NAALADL2: variants seen among roughly 807,000 people sequenced by gnomAD.
The protein encoded by NAALADL2 is N-acetylated alpha-linked acidic dipeptidase like 2.
Under a neutral mutation model 87.2 loss-of-function variants are expected in NAALADL2, and 76 were observed. The observed-to-expected ratio is 0.87, with a 90% CI of 0.72 to 1.05. The LOEUF is 1.05. Among genes scored for constraint, NAALADL2 ranks in the 50% least tolerant of loss-of-function variants. The probability of loss-of-function intolerance (pLI) is 0.00; values close to 1 mark genes in which losing one functional copy is unlikely to be tolerated. For synonymous variants in NAALADL2, 354 were observed against 331.0 expected (o/e 1.07, Z -0.75); for missense variants, 1,089 against 945.8 (o/e 1.15, Z -1.99).
chr3:175,064,247 GAAAA>G (rs368197778), intron 1 of NAALADL2, among the ~76,000 whole-genome samples: 2 of 116,192 alleles, frequency 1.7e-5, no homozygotes, highest in Non-Finnish European at 3.8e-5. Context: ...GGGAAAAGAA[GAAAA>G]AAAAAAAAAG....
intron 9 of NAALADL2, among the ~76,000 whole-genome samples, chr3:175,568,138 A>G (rs1357530531): frequency 6.6e-6 from 1 of 151,276 alleles, no homozygotes; most frequent in Non-Finnish European, 1.5e-5. Flanking sequence ...ACTATTCTGG[A>G]GATATTTTGT....
At chr3:175,345,936 C>T (rs1388328220) in intron 5 of NAALADL2, among the ~76,000 whole-genome samples, 2 of 152,132 alleles carry the variant, frequency 1.3e-5, no homozygotes, top group East Asian at 3.9e-4. Flanking sequence ...GAAAATTTAC[C>T]CTACCCAGAA....
At chr3:174,950,168 C>G (rs867588468) in intron 1 of NAALADL2, among the ~76,000 whole-genome samples, 36 of 152,096 alleles carry the variant, frequency 2.4e-4, no homozygotes, top group African/African-American at 7.7e-4. Flanking sequence ...TACAGAGAAA[C>G]TTTGGTCGCC....
intron 1 of NAALADL2, among the ~76,000 whole-genome samples, chr3:174,503,043 T>A (rs1220344905): frequency 6.7e-6 from 1 of 150,230 alleles, no homozygotes; most frequent in East Asian, 2.0e-4. Context: ...AAAAAAAACC[T>A]CTTATCTTTC....
At chr3:175,609,265 A>G (rs1724242921) in intron 10 of NAALADL2, among the ~76,000 whole-genome samples, 1 of 152,328 alleles carries the variant, frequency 6.6e-6, no homozygotes, top group South Asian at 2.1e-4. Flanking sequence ...TGAGAAGTGT[A>G]CAAAGAACAT....
chr3:174,751,302 T>C (rs990635881), intron 3 of NAALADL2, among the ~76,000 whole-genome samples: 1 of 152,116 alleles, frequency 6.6e-6, no homozygotes, highest in Non-Finnish European at 1.5e-5. Context: ...ATTTTCAGCA[T>C]ATATGAAAAG....
At chr3:174,495,761 T>TA in intron 1 of NAALADL2, among the ~76,000 whole-genome samples, 1 of 126,006 alleles carries the variant, frequency 7.9e-6, no homozygotes, top group Admixed American at 8.6e-5. Flanking sequence ...ATAGCAAAAA[T>TA]GAAAAAAATA....
intron 1 of NAALADL2, among the ~76,000 whole-genome samples, chr3:174,959,643 A>G (rs530986016): frequency 6.6e-6 from 1 of 152,190 alleles, no homozygotes; most frequent in East Asian, 1.9e-4. Flanking sequence ...CTGGAAGTGT[A>G]TCTATTGCAT....
At chr3:175,043,043 G>A (rs1472043339) in intron 1 of NAALADL2, among the ~76,000 whole-genome samples, 1 of 152,096 alleles carries the variant, frequency 6.6e-6, no homozygotes, top group Non-Finnish European at 1.5e-5. Flanking sequence ...GAAGCTGCCT[G>A]AGGCCCTCAT....
chr3:175,563,664 A>G (rs1256727519), intron 9 of NAALADL2, among the ~76,000 whole-genome samples: 4 of 152,214 alleles, frequency 2.6e-5, no homozygotes. Flanking sequence ...AAGAGAGACA[A>G]AAGAAATTCT....
chr3:175,527,387 C>A (rs770226076), intron 9 of NAALADL2, among the ~76,000 whole-genome samples: 1 of 151,986 alleles, frequency 6.6e-6, no homozygotes, highest in African/African-American at 2.4e-5. Context: ...GGTCAATAAC[C>A]CACCAACATT....
rs373065771 is a variant in NAALADL2 at position 174,660,512 on chromosome 3, T to A, written c.-114-77129T>A. Among the ~76,000 whole-genome samples, 44 of 152,300 alleles carry A rather than the reference T, an allele frequency of 2.9e-4. 2 individuals carry two copies. In the East Asian group the frequency reaches 8.5e-3, roughly 29 times the overall value. The stretch of plus-strand genomic sequence containing the variant: ...ATTTCTTAAAAATTTGTAGGTTGAT[T>A]TTGAACCTCACTTTTGAAAGATCTC... On this transcript the variant is annotated intron_variant, in intron 2 of 3. Coordinates refer to the NAALADL2 transcript ENST00000434257.
intron 10 of NAALADL2, among the ~76,000 whole-genome samples, chr3:175,587,496 C>T (rs1720703791): frequency 1.3e-5 from 2 of 151,952 alleles, no homozygotes; most frequent in South Asian, 4.2e-4. Flanking sequence ...GCAATGGTAG[C>T]AATGAAGGCA....
intron 1 of NAALADL2, among the ~76,000 whole-genome samples, chr3:174,947,528 T>C (rs993459139): frequency 4.6e-5 from 7 of 152,182 alleles, no homozygotes; most frequent in Non-Finnish European, 1.0e-4. Flanking sequence ...GAAAGTACTA[T>C]TCTTTTCAAG....
At chr3:175,288,782 G>C (rs1755288649) in intron 4 of NAALADL2, among the ~76,000 whole-genome samples, 1 of 152,126 alleles carries the variant, frequency 6.6e-6, no homozygotes, top group Admixed American at 6.5e-5. Context: ...GCATTATTGT[G>C]GGATGTTGAG....
At chr3:175,346,423 A>G (rs146356702) in intron 5 of NAALADL2, among the ~76,000 whole-genome samples, 4 of 152,276 alleles carry the variant, frequency 2.6e-5, no homozygotes, top group South Asian at 2.1e-4. Context: ...ATCTTCCTCA[A>G]TGAGCGCACC....
intron 8 of NAALADL2, among the ~76,000 whole-genome samples, chr3:175,471,144 TTA>T (rs762965374): frequency 3.3e-5 from 5 of 152,132 alleles, no homozygotes; most frequent in Non-Finnish European, 7.4e-5. Context: ...TAAAATCCTT[TTA>T]TAATCTTTGT....
chr3:174,665,938 A>AT (rs1725917698), intron 2 of NAALADL2, among the ~76,000 whole-genome samples: 1 of 152,060 alleles, frequency 6.6e-6, no homozygotes, highest in African/African-American at 2.4e-5. Context: ...TCTGTGTCTG[A>AT]ATTTTATTTT....
intron 2 of NAALADL2, among the ~76,000 whole-genome samples, chr3:175,219,074 TTG>T (rs1742962330): frequency 6.6e-6 from 1 of 152,130 alleles, no homozygotes; most frequent in Non-Finnish European, 1.5e-5. Flanking sequence ...TTTTTTACTC[TTG>T]TGAGTAATGT....
Sources: allele counts gnomAD v4.1 joint callset (sites outside exome capture counted in the v4.1 genomes callset), GRCh38; gene constraint gnomAD v4.1.1; transcripts MANE v1.5; gene names NCBI Gene and HGNC (gene_info 2026-07-23, HGNC 2026-07-21).